RERE: variants seen among roughly 807,000 people sequenced by gnomAD.
RERE encodes arginine-glutamic acid dipeptide repeats protein.
RERE carries 40 observed loss-of-function variants against 146.1 expected under a neutral mutation model. That is an observed-to-expected ratio of 0.27 (90% CI 0.21 to 0.36). The LOEUF is 0.36. RERE is among the 10% of genes least tolerant of loss of function. The pLI, the probability that RERE is intolerant of heterozygous loss-of-function variation, is 1.00. For missense variants in RERE, 1,933 were observed against 2,138.7 expected, an observed-to-expected ratio of 0.90 and a Z score of 1.90; for synonymous variants, 1,003 against 866.0, an observed-to-expected ratio of 1.16 and a Z score of -2.78.
At chr1:8,743,492 T>C (rs1349209790) in intron 1 of RERE, among the ~76,000 whole-genome samples, 1 of 148,316 alleles carries the variant, frequency 6.7e-6, no homozygotes, top group Non-Finnish European at 1.5e-5. Flanking sequence ...GGTCCCAAAC[T>C]CCTGGCCCCA....
chr1:8,414,055 C>CAAAAA lies in RERE; in HGVS notation c.1284+8667_1284+8671dup, dbSNP rs71580026. Among the ~76,000 whole-genome samples, 182 of 91,628 alleles carry CAAAAA rather than the reference C, an allele frequency of 2.0e-3. 1 individual carries two copies. The highest frequency in any genetic ancestry group is 2.9e-3 in the African/African-American group (64 of 21,970). The allele number at this position is 91,628 out of a possible 152,430, so 60.1% of individuals were successfully genotyped here. A position where few individuals can be genotyped will look rare whatever the true frequency, so the allele number is the denominator to read the frequency against. On this transcript the variant is annotated intron_variant, in intron 12 of 22. Transcript: ENST00000400908. ...GGGCAACAAGAGTGAAACTCCATCT[C>CAAAAA]AAAAAAAAAAAAAAAAAAGAAATGA...
At chr1:8,561,372 C>A (rs1346751575) in intron 4 of RERE, among the ~76,000 whole-genome samples, 1 of 152,020 alleles carries the variant, frequency 6.6e-6, no homozygotes, top group Non-Finnish European at 1.5e-5. Context: ...CTAAATAGGC[C>A]GGTAACTTAA....
At chr1:8,545,982 CTTTTTTTTT>C (rs3050828) in intron 6 of RERE, among the ~76,000 whole-genome samples, 5 of 69,480 alleles carry the variant, frequency 7.2e-5, no homozygotes, top group Middle Eastern at 0.013. Context: ...CATACCCAGT[CTTTTTTTTT>C]TTTTTTTTTT....
chr1:8,564,242 T>A (rs1226881402), intron 4 of RERE, among the ~76,000 whole-genome samples: 1 of 152,228 alleles, frequency 6.6e-6, no homozygotes, highest in Non-Finnish European at 1.5e-5. Flanking sequence ...TAACCTCTTA[T>A]CCAAAATACC....
intron 8 of RERE, among the ~76,000 whole-genome samples, chr1:8,505,566 CTGTCACCAGGCTGGAGTGCAATGG>C (rs1645239641): frequency 6.6e-6 from 1 of 151,846 alleles, no homozygotes; most frequent in Non-Finnish European, 1.5e-5. Flanking sequence ...AAGACTGGTT[CTGTCACCAGGCTGGAGTGCAATGG>C]TGTGATCGTG....
chr1:8,739,875 ATAT>A (rs1640274084), intron 1 of RERE, among the ~76,000 whole-genome samples: 1 of 150,078 alleles, frequency 6.7e-6, no homozygotes, highest in Non-Finnish European at 1.5e-5. Context: ...AATAAATAAT[ATAT>A]TATTGTTAAT....
At chr1:8,682,728 C>T (rs1373970274) in intron 1 of RERE, among the ~76,000 whole-genome samples, 1 of 151,978 alleles carries the variant, frequency 6.6e-6, no homozygotes, top group African/African-American at 2.4e-5. Flanking sequence ...CAAGAAATGC[C>T]GGCTCTAGTA....
chr1:8,681,748 T>C (rs781496327), intron 1 of RERE, among the ~76,000 whole-genome samples: 3 of 152,198 alleles, frequency 2.0e-5, no homozygotes, highest in African/African-American at 7.2e-5. Flanking sequence ...AAATAGGTAC[T>C]AACGCAATCA....
At chr1:8,509,500 G>C (rs997372340) in intron 7 of RERE, among the ~76,000 whole-genome samples, 1 of 152,152 alleles carries the variant, frequency 6.6e-6, no homozygotes, top group East Asian at 1.9e-4. Context: ...AATTGTCCTA[G>C]GTGTTGGGGA....
intron 1 of RERE, among the ~76,000 whole-genome samples, chr1:8,674,980 A>G (rs1471839066): frequency 6.6e-6 from 1 of 152,224 alleles, no homozygotes; most frequent in Non-Finnish European, 1.5e-5. Context: ...CACAGTTAAA[A>G]CAGCATTCTC....
chr1:8,361,860 G>T lies in RERE; in HGVS notation c.1919C>A (p.Ala640Asp). ...KKSAKKVKEE[A>D]SSPLKSNKRQ... ...TTTGTTACTCTTAAGAGGGGAAGAG[G>T]CTTCCTCCTTCACCTTCTGCAGGGG... Residue 640 changes from alanine to aspartate, a missense_variant, in exon 17 of 23, where the codon GCC becomes GAC. By Grantham distance (126) the Ala-to-Asp change is moderately radical. Around this residue, in one of 11 missense-constraint regions of RERE, gnomAD observed 1,255 missense variants for 1,153.8 expected, o/e 1.09. Coordinates refer to ENST00000400908, the MANE Select transcript of RERE (RefSeq NM_001042681.2). 1 of 1,613,306 alleles carries T rather than the reference G, an allele frequency of 6.2e-7. No homozygotes were observed. The highest frequency in any genetic ancestry group is 8.5e-7 in the Non-Finnish European group (1 of 1,179,270).
chr1:8,539,324 CTTCT>C (rs1406275616), intron 7 of RERE, among the ~76,000 whole-genome samples: 1 of 152,168 alleles, frequency 6.6e-6, no homozygotes, highest in Non-Finnish European at 1.5e-5. Flanking sequence ...CACTGACCAG[CTTCT>C]TTATCATTGG....
intron 1 of RERE, among the ~76,000 whole-genome samples, chr1:8,713,497 G>T (rs1361836673): frequency 6.6e-6 from 1 of 152,130 alleles, no homozygotes; most frequent in African/African-American, 2.4e-5. Flanking sequence ...ACTTTGGGAG[G>T]CTGAGGTGGG....
intron 11 of RERE, among the ~76,000 whole-genome samples, chr1:8,445,726 G>A (rs1644308575): frequency 6.6e-6 from 1 of 151,918 alleles, no homozygotes; most frequent in South Asian, 2.1e-4. Flanking sequence ...AGAACGTGCA[G>A]GTTTGTTACA....
intron 1 of RERE, among the ~76,000 whole-genome samples, chr1:8,764,019 C>T (rs1329199724): frequency 2.0e-5 from 3 of 151,914 alleles, no homozygotes; most frequent in African/African-American, 7.3e-5. Context: ...ACTCAAAAAG[C>T]TAACTCAAGG....
chr1:8,653,716 A>AG (rs1467652992), intron 2 of RERE, among the ~76,000 whole-genome samples: 158 of 147,654 alleles, frequency 1.1e-3, no homozygotes, highest in African/African-American at 3.5e-3. Context: ...AAAAAAAAAA[A>AG]GGGTTAACAT....
At chr1:8,575,561 A>ATATATATATATATATATTT (rs1337650659) in intron 4 of RERE, among the ~76,000 whole-genome samples, 1 of 98,680 alleles carries the variant, frequency 1.0e-5, no homozygotes, top group African/African-American at 4.6e-5. Flanking sequence ...ATATATATAT[A>ATATATATATATATATATTT]TTTTTTTTTT....
intron 1 of RERE, among the ~76,000 whole-genome samples, chr1:8,790,621 T>C (rs1237433929): frequency 6.6e-6 from 1 of 152,252 alleles, no homozygotes; most frequent in African/African-American, 2.4e-5. Flanking sequence ...CTTGCTCTTG[T>C]TATCCAGGCT....
At chr1:8,777,047 C>A (rs1641078272) in intron 1 of RERE, among the ~76,000 whole-genome samples, 1 of 152,258 alleles carries the variant, frequency 6.6e-6, no homozygotes, top group African/African-American at 2.4e-5. Flanking sequence ...TAAATACTTT[C>A]TTTTGCTGAA....
Sources: gnomAD v4.1 joint callset for allele counts (sites outside exome capture counted in the v4.1 genomes callset) on GRCh38, gnomAD v4.1.1 for gene constraint, gnomAD v4.1.1 regional missense constraint, MANE v1.5 for transcripts, NCBI Gene and HGNC (gene_info 2026-07-23, HGNC 2026-07-21) for gene names.